CSMD1: variants seen among roughly 807,000 people sequenced by gnomAD.
CSMD1 encodes the protein CUB and sushi domain-containing protein 1.
Under a neutral mutation model 417.5 loss-of-function variants are expected in CSMD1, and 213 were observed. That is an observed-to-expected ratio of 0.51 (90% confidence interval 0.46 to 0.57). The LOEUF (loss-of-function observed/expected upper bound fraction) is 0.57, where lower values mean the gene tolerates loss of function less well. Ranked by LOEUF, CSMD1 falls within the 20% of genes least tolerant of loss-of-function variation. CSMD1 has a pLI of 0.00. For synonymous variants in CSMD1, 2,862 were observed against 1,736.8 expected (o/e 1.65, Z -16.11); for missense variants, 6,923 against 4,529.7 (o/e 1.53, Z -15.17).
At chr8:4,207,706 T>G (rs1800063363) in intron 3 of CSMD1, among the ~76,000 whole-genome samples, 1 of 152,120 alleles carries the variant, frequency 6.6e-6, no homozygotes, top group African/African-American at 2.4e-5. Flanking sequence ...AACATTTTTC[T>G]GATGAGTGTA....
At chr8:3,779,307 T>C (rs1390127278) in intron 5 of CSMD1, among the ~76,000 whole-genome samples, 4 of 152,190 alleles carry the variant, frequency 2.6e-5, no homozygotes, top group East Asian at 1.9e-4. Context: ...AACTTTTCTA[T>C]TGATTTTTAG....
At chr8:4,259,082 T>C (rs1803687352) in intron 3 of CSMD1, among the ~76,000 whole-genome samples, 1 of 152,208 alleles carries the variant, frequency 6.6e-6, no homozygotes, top group Non-Finnish European at 1.5e-5. Context: ...GCTGATGATT[T>C]TGATGTAGCA....
chr8:3,340,803 G>C (rs1807593782), intron 23 of CSMD1, among the ~76,000 whole-genome samples: 2 of 152,178 alleles, frequency 1.3e-5, no homozygotes, highest in Admixed American at 6.5e-5. Flanking sequence ...CCACCAGACA[G>C]TATGTTCCAG....
At chr8:3,770,963 T>C (rs1798536985) in intron 5 of CSMD1, among the ~76,000 whole-genome samples, 1 of 152,082 alleles carries the variant, frequency 6.6e-6, no homozygotes, top group African/African-American at 2.4e-5. Context: ...AAGCAGAAAT[T>C]GCCCAGTGCA....
intron 3 of CSMD1, among the ~76,000 whole-genome samples, chr8:4,120,831 A>G (rs1035442220): frequency 2.0e-5 from 3 of 152,206 alleles, no homozygotes; most frequent in African/African-American, 7.2e-5. Flanking sequence ...CACAAAACAA[A>G]GGAGGGAGAA....
chr8:4,851,347 C>A (rs1801469501), intron 1 of CSMD1, among the ~76,000 whole-genome samples: 1 of 151,964 alleles, frequency 6.6e-6, no homozygotes, highest in Non-Finnish European at 1.5e-5. Context: ...CCTTTTTAAG[C>A]TCCTTCTTTC....
intron 10 of CSMD1, 81 bp downstream of exon 10, chr8:3,574,864 T>C (rs1282465301): frequency 1.4e-6 from 2 of 1,478,370 alleles, no homozygotes; most frequent in Non-Finnish European, 1.8e-6. Flanking sequence ...CGGATAGCAT[T>C]TGCTGGGCTG....
intron 26 of CSMD1, among the ~76,000 whole-genome samples, chr8:3,262,430 A>G (rs1801148135): frequency 1.3e-5 from 2 of 151,638 alleles, no homozygotes. Context: ...GATAATGACC[A>G]TTCTCTTGGA....
At chr8:3,853,758 T>C (rs1003473877) in intron 5 of CSMD1, among the ~76,000 whole-genome samples, 10 of 151,548 alleles carry the variant, frequency 6.6e-5, no homozygotes, top group Non-Finnish European at 1.2e-4. Context: ...TTAGGAGATA[T>C]ACCTAATGCT....
At chr8:4,295,232 A>C (rs555957188) in intron 3 of CSMD1, among the ~76,000 whole-genome samples, 42 of 20,530 alleles carry the variant, frequency 2.0e-3, no homozygotes, top group African/African-American at 3.9e-3. Flanking sequence ...TCTTAAGATT[A>C]TATGCACATA....
chr8:3,812,029 G>C (rs1311992453), intron 5 of CSMD1, among the ~76,000 whole-genome samples: 1 of 140,002 alleles, frequency 7.1e-6, no homozygotes, highest in Non-Finnish European at 1.6e-5. Context: ...CTTATGCTTA[G>C]TGAGAAAAAA....
chr8:3,035,089 A>T (rs1810585210), intron 50 of CSMD1, among the ~76,000 whole-genome samples: 5 of 152,196 alleles, frequency 3.3e-5, no homozygotes, highest in Non-Finnish European at 5.9e-5. Context: ...AAACAGCCTG[A>T]GTACCTCTGT....
At chr8:4,115,902 C>T (rs898621987) in intron 3 of CSMD1, among the ~76,000 whole-genome samples, 5 of 152,098 alleles carry the variant, frequency 3.3e-5, no homozygotes, top group African/African-American at 9.6e-5. Context: ...GAAGAAAGAT[C>T]AGTGGTTGCC....
chr8:3,562,408 A>G (rs1340605971), intron 10 of CSMD1, among the ~76,000 whole-genome samples: 21 of 139,538 alleles, frequency 1.5e-4, no homozygotes, highest in African/African-American at 5.2e-4. Context: ...GCATACACAC[A>G]CATGCACAAA....
At chr8:3,806,515 C>G (rs1289441158) in intron 5 of CSMD1, among the ~76,000 whole-genome samples, 1 of 152,140 alleles carries the variant, frequency 6.6e-6, no homozygotes, top group Non-Finnish European at 1.5e-5. Flanking sequence ...CCACGGTGCT[C>G]TGTGCTTTGA....
At chr8:3,943,520 A>G (rs1206753265) in intron 5 of CSMD1, among the ~76,000 whole-genome samples, 1 of 151,876 alleles carries the variant, frequency 6.6e-6, no homozygotes, top group Non-Finnish European at 1.5e-5. Flanking sequence ...TGAAAATGGA[A>G]TCTGTACAGA....
chr8:4,010,482 C>T (rs574408487), intron 4 of CSMD1, among the ~76,000 whole-genome samples: 1 of 152,148 alleles, frequency 6.6e-6, no homozygotes, highest in African/African-American at 2.4e-5. Flanking sequence ...ATTCTCCCCT[C>T]TCTTCCAACA....
intron 3 of CSMD1, among the ~76,000 whole-genome samples, chr8:4,308,042 T>C (rs552793206): frequency 3.5e-4 from 53 of 152,276 alleles, no homozygotes; most frequent in African/African-American, 1.2e-3. Flanking sequence ...ACGCCAGACA[T>C]GGATCTGACT....
intron 59 of CSMD1, among the ~76,000 whole-genome samples, chr8:2,963,702 G>C (rs954437552): frequency 1.3e-5 from 2 of 152,176 alleles, no homozygotes; most frequent in African/African-American, 4.8e-5. Flanking sequence ...CTTAATTTGT[G>C]TCTTTTTATG....
Sources: allele counts gnomAD v4.1 joint callset (sites outside exome capture counted in the v4.1 genomes callset), GRCh38; gene constraint gnomAD v4.1.1; transcripts MANE v1.5; gene names NCBI Gene and HGNC (gene_info 2026-07-23, HGNC 2026-07-21).